Variants in DDX59 observed in about 807,000 individuals in gnomAD.
The protein encoded by DDX59 is DEAD-box helicase 59.
A neutral mutation model predicts 51.9 loss-of-function variants in DDX59; 30 were observed. The observed-to-expected ratio is 0.58, with a 90% CI of 0.43 to 0.78. The LOEUF (loss-of-function observed/expected upper bound fraction) is 0.78, where lower values mean the gene tolerates loss of function less well. Among genes scored for constraint, DDX59 ranks in the 30% least tolerant of loss-of-function variants. The pLI is 0.00. For synonymous variants in DDX59, 255 were observed against 253.3 expected (o/e 1.01, Z -0.06); for missense variants, 672 against 730.8 (o/e 0.92, Z 0.93).
At chr1:200,655,109 C>A (rs1172611137) in intron 4 of DDX59, 1 of 152,210 alleles carries the variant, frequency 6.6e-6, no homozygotes, top group Non-Finnish European at 1.5e-5. Context: ...TATTTTAGAT[C>A]TTCAGAATAC....
At chr1:200,641,091 G>A (rs1030166391), downstream of DDX59, 8 of 1,074,452 alleles carry the variant, frequency 7.4e-6, no homozygotes, top group South Asian at 1.3e-5. Context: ...TCAGTTTACT[G>A]GTGGCTGCCA....
At chr1:200,640,865 A>G (rs1661029625), downstream of DDX59, 1 of 155,282 alleles carries the variant, frequency 6.4e-6, no homozygotes, top group Non-Finnish European at 1.4e-5. Flanking sequence ...TTACAAAAAT[A>G]AACACTCGTC....
At chr1:200,669,441 G>GGGCGGGACGGCGGACGGCTGGC (rs1355982337) in intron 1 of DDX59, 1 of 152,644 alleles carries the variant, frequency 6.6e-6, no homozygotes, top group Non-Finnish European at 1.5e-5. Context: ...TGCTCCTGCT[G>GGGCGGGACGGCGGACGGCTGGC]GGCGGGACGG....
At chr1:200,645,616 T>C (rs535710800) in intron 7 of DDX59, among the ~76,000 whole-genome samples, 3 of 152,270 alleles carry the variant, frequency 2.0e-5, no homozygotes, top group African/African-American at 7.2e-5. Context: ...GGAGTATCAA[T>C]AAGGCACAAA....
In DDX59 at chr1:200,650,465, T is replaced by A. The variant is rs771458131; in HGVS notation, c.1274A>T (p.Glu425Val). ...ANVRQIILWV[E>V]DPAKKKKLFE... Reference sequence around the variant, plus strand: ...TAATTTTTTCTTTTTGGCTGGGTCTTCTACCCACAAAATAATCTGACGTAC... The same window carrying A: ...TAATTTTTTCTTTTTGGCTGGGTCTACTACCCACAAAATAATCTGACGTAC... The change falls in exon 5 of 8, where the codon GAA (glutamate) becomes GTA (valine). Residue 425 changes from glutamate to valine, a missense_variant. By Grantham distance (121) the Glu-to-Val change is moderately radical. Transcript: ENST00000331314. 6 of 1,613,892 alleles carry A rather than the reference T, an allele frequency of 3.7e-6. No individual in the cohort carries two copies. In the East Asian group the frequency reaches 1.1e-4, roughly 30 times the overall value.
chr1:200,648,913 C>T (rs1661468624), intron 6 of DDX59, among the ~76,000 whole-genome samples, 161 bp downstream of exon 6: 1 of 152,110 alleles, frequency 6.6e-6, no homozygotes, highest in Admixed American at 6.6e-5. Flanking sequence ...AACAAAAAGC[C>T]TGAGCAAGAG....
intron 7 of DDX59, 72 bp from the exon 8 acceptor site, chr1:200,644,589 T>A (rs1661176987): frequency 6.7e-7 from 1 of 1,495,484 alleles, no homozygotes; most frequent in Admixed American, 2.4e-5. Flanking sequence ...AGAAAATGAA[T>A]AATATTACTT....
chr1:200,640,980 C>T (rs1558108588), downstream of DDX59: 1 of 276,190 alleles, frequency 3.6e-6, no homozygotes, highest in South Asian at 3.9e-5. Context: ...ACTGTGTTTA[C>T]TTAATTATCC....
chr1:200,650,554 T>C lies in DDX59; in HGVS notation c.1185A>G (p.Ala395=). The change falls in exon 5 of 8, where the codon GCA becomes GCG. Residue 395 remains alanine (A), a synonymous_variant. Coordinates refer to ENST00000331314, the MANE Select transcript of DDX59 (RefSeq NM_001031725.6). ...ATIPTSIEQL[A]SQLLHNPVRI... Reference sequence around the variant, plus strand: ...TCACAGGATTATGCAGAAGCTGGCTTGCTAGCTGTTCTATGCTAGTTGGAA... The same window carrying C: ...TCACAGGATTATGCAGAAGCTGGCTCGCTAGCTGTTCTATGCTAGTTGGAA... 1.2e-6 allele frequency: 2 copies of C among 1,614,154 alleles called. No homozygotes were observed. Among genetic ancestry groups the C allele is most frequent in the Non-Finnish European group, 1.7e-6 (2 of 1,180,000 alleles).
intron 4 of DDX59, among the ~76,000 whole-genome samples, chr1:200,655,563 T>C (rs1661966836): frequency 6.6e-6 from 1 of 152,154 alleles, no homozygotes; most frequent in African/African-American, 2.4e-5. Flanking sequence ...TTACCTCCTA[T>C]TATTTCTCAG....
At position 200,668,969 on chromosome 1, in the gene DDX59, C is replaced by T. The variant is rs945866757; in HGVS notation, c.-12+798G>A. Among the ~76,000 whole-genome samples, 4 of 152,292 alleles carry T rather than the reference C, an allele frequency of 2.6e-5. No individual in the cohort carries two copies. The East Asian group carries it at 5.8e-4, about 22-fold the overall frequency. On this transcript the variant is annotated intron_variant, in intron 1 of 7. Coordinates refer to ENST00000331314, the MANE Select transcript of DDX59 (RefSeq NM_001031725.6). ...TGTATTTCTTAAATGTATTTGATGT[C>T]TCACGCCTTCCTAAAATAGATAAAA...
intron 1 of DDX59, among the ~76,000 whole-genome samples, chr1:200,668,610 G>A (rs1296558113): frequency 6.6e-6 from 1 of 152,068 alleles, no homozygotes. Context: ...TTTCCTTGTC[G>A]TACCTTAAAA....
At chr1:200,662,190 T>C (rs1362710032) in intron 3 of DDX59, among the ~76,000 whole-genome samples, 1 of 152,208 alleles carries the variant, frequency 6.6e-6, no homozygotes, top group East Asian at 1.9e-4. Flanking sequence ...AGTGCAAGCA[T>C]GGACTAATAC....
chr1:200,648,012 T>C (rs1661396254), intron 7 of DDX59, among the ~76,000 whole-genome samples: 1 of 132,980 alleles, frequency 7.5e-6, no homozygotes, highest in African/African-American at 2.8e-5. Context: ...ACATACAGTT[T>C]TATACACTGC....
downstream of DDX59, among the ~76,000 whole-genome samples, chr1:200,642,109 T>C (rs74497921): frequency 0.027 from 4,183 of 152,300 alleles, 90 homozygotes; most frequent in Non-Finnish European, 0.04. Flanking sequence ...TATTCTAGAA[T>C]CTAAAAGCCA....
chr1:200,642,067 G>A (rs1437238521), downstream of DDX59, among the ~76,000 whole-genome samples: 1 of 151,990 alleles, frequency 6.6e-6, no homozygotes, highest in Admixed American at 6.6e-5. Flanking sequence ...TAATAGAATG[G>A]CATTAAAAGT....
chr1:200,666,014 T>A lies in DDX59; in HGVS notation c.727A>T (p.Ile243Phe). ...MIPVGLLGRD[I>F]LASADTGSGK... ...GAGCCAGTATCTGCACTGGCCAGAATGTCTCTTCCCAGAAGTCCCACAGGA... is the reference window on the plus strand; with the variant it reads ...GAGCCAGTATCTGCACTGGCCAGAAAGTCTCTTCCCAGAAGTCCCACAGGA... Residue 243 changes from isoleucine (I) to phenylalanine (F), a missense_variant, in exon 2 of 8, where the codon ATT (isoleucine) becomes TTT (phenylalanine). By Grantham distance (21) the Ile-to-Phe change is conservative (BLOSUM62 0). Transcript: ENST00000331314. 2 of 1,614,234 alleles carry A rather than the reference T, an allele frequency of 1.2e-6. No homozygotes were observed. Among genetic ancestry groups the A allele is most frequent in the Non-Finnish European group, 1.7e-6 (2 of 1,180,042 alleles).
downstream of DDX59, among the ~76,000 whole-genome samples, chr1:200,642,331 T>G (rs1661073380): frequency 6.6e-6 from 1 of 152,198 alleles, no homozygotes; most frequent in South Asian, 2.1e-4. Flanking sequence ...ATTAGTGTCC[T>G]TTCTGGGGAA....
At chr1:200,659,327 T>G (rs1230227358) in intron 3 of DDX59, among the ~76,000 whole-genome samples, 1 of 152,140 alleles carries the variant, frequency 6.6e-6, no homozygotes, top group Non-Finnish European at 1.5e-5. Flanking sequence ...ATGAGATAAA[T>G]ACACTAAGCC....
Sources: allele counts gnomAD v4.1 joint callset (sites outside exome capture counted in the v4.1 genomes callset), GRCh38; gene constraint gnomAD v4.1.1; transcripts MANE v1.5; gene names NCBI Gene and HGNC (gene_info 2026-07-23, HGNC 2026-07-21).